TRIM10: variants seen among roughly 807,000 people sequenced by gnomAD.
The protein encoded by TRIM10 is tripartite motif containing 10.
A neutral mutation model predicts 40.0 loss-of-function variants in TRIM10; 42 were observed. That is an observed-to-expected ratio of 1.05 (90% CI 0.82 to 1.36). The LOEUF (loss-of-function observed/expected upper bound fraction) is 1.36, where lower values mean the gene tolerates loss of function less well. Ranked by LOEUF, TRIM10 falls within the 40% of genes most tolerant of loss-of-function variation. The probability of loss-of-function intolerance (pLI) is 0.00; values close to 1 mark genes in which losing one functional copy is unlikely to be tolerated. For synonymous variants in TRIM10, 260 were observed against 239.5 expected (o/e 1.09, Z -0.79); for missense variants, 601 against 608.3 (o/e 0.99, Z 0.13).
intron 6 of TRIM10, 146 bp from the exon 7 acceptor site, chr6:30,154,632 C>G (rs1351060835): frequency 1.0e-6 from 1 of 978,086 alleles, no homozygotes; most frequent in African/African-American, 1.6e-5. Flanking sequence ...AGTGTGGAAC[C>G]ACCTGGGAAC....
At chr6:30,159,692 G>A (rs1053208236) in intron 1 of TRIM10, among the ~76,000 whole-genome samples, 16 of 152,108 alleles carry the variant, frequency 1.1e-4, no homozygotes, top group Admixed American at 3.3e-4. Flanking sequence ...ACTCCAGAGG[G>A]GAGAAGAAAC....
upstream of TRIM10, among the ~76,000 whole-genome samples, chr6:30,162,046 CGGGCGGA>C (rs1773141077): frequency 2.8e-5 from 3 of 107,670 alleles, no homozygotes; most frequent in Non-Finnish European, 5.8e-5. Flanking sequence ...GAGGCCTAGG[CGGGCGGA>C]TCACGAGGTC....
chr6:30,157,158 A>T (rs928987), intron 4 of TRIM10, 104 bp from the exon 5 acceptor site: 2 of 1,239,212 alleles, frequency 1.6e-6, no homozygotes, highest in South Asian at 2.7e-5. Flanking sequence ...TAGTTCCTGC[A>T]GGCAGACGTA....
chr6:30,162,226 A>G (rs1055494557), upstream of TRIM10, among the ~76,000 whole-genome samples: 114 of 151,464 alleles, frequency 7.5e-4, no homozygotes, highest in African/African-American at 2.6e-3. Context: ...CAGTGAGCCA[A>G]GATCGCGCTA....
At position 30,155,155 on chromosome 6, in the gene TRIM10, C is replaced by A. The variant is rs562400329; in HGVS notation, c.928+572G>T. ...TAGGTCCATCTGTGGGTTAGAGAAC[C>A]CCCTCCAACAACTCCGTGACTCCCA... On this transcript the variant is annotated intron_variant, in intron 6 of 6. Coordinates refer to ENST00000449742, the MANE Select transcript of TRIM10 (RefSeq NM_006778.4). 1.4e-4 allele frequency among the ~76,000 whole-genome samples: 21 copies of A among 152,224 alleles called. No homozygotes were observed. The South Asian group carries it at 4.1e-3, about 30-fold the overall frequency.
At chr6:30,158,370 G>A in intron 3 of TRIM10, 29 bp downstream of exon 3, 1 of 1,581,144 alleles carries the variant, frequency 6.3e-7, no homozygotes, top group Non-Finnish European at 8.7e-7. Context: ...GACAGCACAG[G>A]TGGGGCAGGG....
Position 30,153,556 on chromosome 6 carries a change from A to T in TRIM10, c.*413T>A. ...AAACTAAATGGTTCTAGAGAATGTG[A>T]TTACATGAACTCTAACATTATTGGA... On this transcript the variant is annotated 3_prime_UTR_variant, in exon 7 of 7. Transcript: ENST00000449742. 1.2e-6 allele frequency: 1 copy of T among 808,018 alleles called. No individual in the cohort carries two copies. Among genetic ancestry groups the T allele is most frequent in the Non-Finnish European group, 2.0e-6 (1 of 493,318 alleles). The allele number at this position is 808,018 out of a possible 1,614,324, so 50.1% of individuals were successfully genotyped here.
intron 6 of TRIM10, 63 bp downstream of exon 6, chr6:30,155,664 G>A: frequency 6.4e-7 from 1 of 1,556,432 alleles, no homozygotes; most frequent in Non-Finnish European, 8.8e-7. Flanking sequence ...TGCAAATCCT[G>A]CAAAATTTTC....
rs1772221062 is a variant in TRIM10 at position 30,153,653 on chromosome 6, A to C, written c.*316T>G. 6.3e-7 allele frequency: 1 copy of C among 1,582,718 alleles called. No individual in the cohort carries two copies. Among genetic ancestry groups the C allele is most frequent in the African/African-American group, 1.3e-5 (1 of 74,564 alleles). On this transcript the variant is annotated 3_prime_UTR_variant, in exon 7 of 7. Transcript: ENST00000449742. ...AACTGGTTGACAGGCTGGTTCAAGA[A>C]CCCAGGTCTTCTGACTTCAAATCCA...
At position 30,160,454 on chromosome 6, in the gene TRIM10, C is replaced by T. The variant is rs753216974; in HGVS notation, c.405G>A (p.Leu135=). Residue 135 remains leucine, a synonymous_variant, in exon 1 of 7, where the codon CTG becomes CTA. Coordinates refer to ENST00000449742, the MANE Select transcript of TRIM10 (RefSeq NM_006778.4). Reference sequence around the variant, plus strand: ...CCCTATAGGGAGCCGCTGCATCCTCCAGGAAGCGCATGGTGTGGGTAGCGT... The same window carrying T: ...CCCTATAGGGAGCCGCTGCATCCTCTAGGAAGCGCATGGTGTGGGTAGCGT... The part of the protein sequence containing the change: ...GEHATHTMRF[L]EDAAAPYREQ... The T allele has an allele frequency of 3.7e-5, 60 of 1,613,934 alleles. No homozygotes were observed. The East Asian group carries it at 1.3e-3, about 35-fold the overall frequency.
chr6:30,163,937 G>A, upstream of TRIM10: 1 of 1,613,134 alleles, frequency 6.2e-7, no homozygotes, highest in Non-Finnish European at 8.5e-7. Flanking sequence ...TTACTGCGAG[G>A]AGCACGGCGA....
chr6:30,163,575 C>A (rs998213427), upstream of TRIM10: 7 of 1,097,378 alleles, frequency 6.4e-6, no homozygotes, highest in African/African-American at 1.6e-5. Flanking sequence ...TGTCTCTTAG[C>A]CTTGCAGCCG....
At position 30,153,498 on chromosome 6, in the gene TRIM10, T is replaced by C. The variant is rs2127434821; in HGVS notation, c.*471A>G. 3.4e-6 allele frequency: 2 copies of C among 585,580 alleles called. No homozygotes were observed. Among genetic ancestry groups the C allele is most frequent in the Non-Finnish European group, 6.0e-6 (2 of 331,218 alleles). The allele number at this position is 585,580 out of a possible 1,614,324, so 36.3% of individuals were successfully genotyped here. On this transcript the variant is annotated 3_prime_UTR_variant, in exon 7 of 7. Coordinates refer to ENST00000449742, the MANE Select transcript of TRIM10 (RefSeq NM_006778.4). ...TTTCTCTATATTTTCAAGTCACCAG[T>C]GGCCACCACACTGCTTGGTTCATAG...
At chr6:30,154,964 T>G (rs1249035466) in intron 6 of TRIM10, among the ~76,000 whole-genome samples, 1 of 152,152 alleles carries the variant, frequency 6.6e-6, no homozygotes, top group African/African-American at 2.4e-5. Context: ...TCATTTACAG[T>G]CTTCCCTCCT....
At chr6:30,154,824 C>G in intron 6 of TRIM10, 1 of 594,758 alleles carries the variant, frequency 1.7e-6, no homozygotes, top group Non-Finnish European at 3.2e-6. Flanking sequence ...TGCGTGCCAG[C>G]TTGGATCTCC....
In TRIM10 at chr6:30,159,231, C is replaced by T. The variant is rs776871804; in HGVS notation, c.444G>A (p.Lys148=). 8.7e-6 allele frequency: 14 copies of T among 1,607,944 alleles called. No individual in the cohort carries two copies. Among genetic ancestry groups the T allele is most frequent in the Admixed American group, 1.7e-5 (1 of 60,004 alleles). ...AAAPYREQIH[K]CLKCLRKERE... ...TCTCTTTTCTTAGACATTTAAGACA[C>T]TTATGGATTTGTTCCTGGGGAGAAG... Residue 148 remains lysine, a synonymous_variant, in exon 2 of 7, where the codon AAG becomes AAA. Coordinates refer to ENST00000449742, the MANE Select transcript of TRIM10 (RefSeq NM_006778.4).
At chr6:30,154,611 C>A in intron 6 of TRIM10, 125 bp from the exon 7 acceptor site, 1 of 1,245,908 alleles carries the variant, frequency 8.0e-7, no homozygotes. Flanking sequence ...ATAGTGCCTA[C>A]GTGGGCCAAC....
rs142890374 is a variant in TRIM10 at position 30,154,330 on chromosome 6, C to A, written c.1085G>T (p.Gly362Val). The A allele has an allele frequency of 2.5e-5, 40 of 1,613,124 alleles. No individual in the cohort carries two copies. In the East Asian group the frequency reaches 4.7e-4, roughly 19 times the overall value. ...ACTCACCACCCACGTGTGTCTCCCC[C>A]CTGTGATGCCAGTGTGGGCCAGAAC... ...TCVLAHTGIT[G>V]GRHTWVVSID... The change falls in exon 7 of 7, where the codon GGG becomes GTG. Residue 362 changes from glycine to valine, a missense_variant. Coordinates refer to ENST00000449742, the MANE Select transcript of TRIM10 (RefSeq NM_006778.4).
chr6:30,158,534 C>T lies in TRIM10; in HGVS notation c.621G>A (p.Leu207=). ...TCAAGATGTCCCCATCCTGGCTCTC[C>T]AATTGTGCTAAGAGGATGCTCTGCT... The part of the protein sequence containing the change: ...EEQQSILLAQ[L]ESQDGDILRQ... Residue 207 remains leucine, a synonymous_variant, in exon 3 of 7, where the codon TTG becomes TTA. Transcript: ENST00000449742. The T allele has an allele frequency of 1.9e-6, 3 of 1,613,056 alleles. 1 individual carries two copies. The South Asian group carries it at 3.3e-5, about 18-fold the overall frequency.
Sources: allele counts gnomAD v4.1 joint callset (sites outside exome capture counted in the v4.1 genomes callset), GRCh38; gene constraint gnomAD v4.1.1; transcripts MANE v1.5; gene names NCBI Gene and HGNC (gene_info 2026-07-23, HGNC 2026-07-21).